SLC16A10: variants seen among roughly 807,000 people sequenced by gnomAD.
SLC16A10 encodes the protein monocarboxylate transporter 10.
A neutral mutation model predicts 40.0 loss-of-function variants in SLC16A10; 27 were observed. That is an observed-to-expected ratio of 0.67 (90% CI 0.50 to 0.93). The LOEUF (loss-of-function observed/expected upper bound fraction) is 0.93, where lower values mean the gene tolerates loss of function less well. Among genes scored for constraint, SLC16A10 ranks in the 40% least tolerant of loss-of-function variants. The pLI, the probability that SLC16A10 is intolerant of heterozygous loss-of-function variation, is 0.00. For missense variants in SLC16A10, 529 were observed against 658.2 expected, an observed-to-expected ratio of 0.80 and a Z score of 2.15; for synonymous variants, 213 against 249.8, an observed-to-expected ratio of 0.85 and a Z score of 1.39.
chr6:111,207,629 A>C (rs1773275969), intron 4 of SLC16A10, among the ~76,000 whole-genome samples: 1 of 152,208 alleles, frequency 6.6e-6, no homozygotes, highest in African/African-American at 2.4e-5. Flanking sequence ...GTGCCATAGC[A>C]ACACAGGCAC....
At chr6:111,182,944 C>T (rs1422977861) in intron 3 of SLC16A10, among the ~76,000 whole-genome samples, 2 of 152,212 alleles carry the variant, frequency 1.3e-5, no homozygotes, top group African/African-American at 4.8e-5. Context: ...CCACGTACCC[C>T]TAGCCTGGAT....
At chr6:111,093,604 T>A (rs1206130509) in intron 1 of SLC16A10, among the ~76,000 whole-genome samples, 2 of 152,240 alleles carry the variant, frequency 1.3e-5, no homozygotes. Flanking sequence ...TGTTTTGCCT[T>A]TACGCTAAAG....
In SLC16A10 at chr6:111,120,820, G is replaced by T. The variant is rs551038358; in HGVS notation, c.343+32725G>T. 9.2e-5 allele frequency among the ~76,000 whole-genome samples: 14 copies of T among 152,202 alleles called. No homozygotes were observed. The East Asian group carries it at 2.5e-3, about 27-fold the overall frequency. On this transcript the variant is annotated intron_variant, in intron 1 of 5. Transcript: ENST00000368851. ...AATCATTGTGGAGTGCTTAGTGTGT[G>T]TTTGTTTTTTAAGAATTGACTTGGA... is the stretch of plus-strand genomic sequence containing the variant.
intron 1 of SLC16A10, among the ~76,000 whole-genome samples, chr6:111,129,165 C>G (rs1771737696): frequency 6.6e-6 from 1 of 152,136 alleles, no homozygotes; most frequent in Non-Finnish European, 1.5e-5. Flanking sequence ...TGATGCCTAC[C>G]AGGCAGCCCA....
At chr6:111,130,517 T>C (rs930462811) in intron 1 of SLC16A10, among the ~76,000 whole-genome samples, 1 of 152,222 alleles carries the variant, frequency 6.6e-6, no homozygotes, top group Admixed American at 6.5e-5. Flanking sequence ...TGTTGTACTC[T>C]CAGCACTAGA....
chr6:111,121,065 T>C (rs1164037861), intron 1 of SLC16A10, among the ~76,000 whole-genome samples: 1 of 152,204 alleles, frequency 6.6e-6, no homozygotes, highest in East Asian at 1.9e-4. Flanking sequence ...TCAAAGTATA[T>C]TTGGAATGTT....
chr6:111,100,765 G>A (rs2114439444), intron 1 of SLC16A10, among the ~76,000 whole-genome samples: 1 of 151,924 alleles, frequency 6.6e-6, no homozygotes, highest in African/African-American at 2.4e-5. Context: ...CTCTCCTTAA[G>A]CGGTTTTATC....
chr6:111,090,960 A>T, intron 1 of SLC16A10, among the ~76,000 whole-genome samples: 1 of 152,092 alleles, frequency 6.6e-6, no homozygotes. Flanking sequence ...ATATACAGGG[A>T]GGTGGTGGTG....
intron 3 of SLC16A10, among the ~76,000 whole-genome samples, chr6:111,199,038 G>T (rs1471468248): frequency 6.6e-6 from 1 of 152,190 alleles, no homozygotes; most frequent in African/African-American, 2.4e-5. Flanking sequence ...GAGCCCTCAG[G>T]AGCTGTCTTG....
chr6:111,212,792 C>G, intron 4 of SLC16A10, among the ~76,000 whole-genome samples: 1 of 78,664 alleles, frequency 1.3e-5, no homozygotes, highest in South Asian at 5.3e-4. Flanking sequence ...GACTTTGTCT[C>G]AAAAAAATAA....
intron 4 of SLC16A10, among the ~76,000 whole-genome samples, chr6:111,209,637 G>T (rs1405145279): frequency 6.6e-6 from 1 of 152,132 alleles, no homozygotes; most frequent in African/African-American, 2.4e-5. Flanking sequence ...GAAGCCTGTG[G>T]GTTTGGCATT....
At chr6:111,151,855 T>C (rs1472887668) in intron 1 of SLC16A10, among the ~76,000 whole-genome samples, 1 of 152,194 alleles carries the variant, frequency 6.6e-6, no homozygotes, top group Non-Finnish European at 1.5e-5. Flanking sequence ...ACTTTGGGTG[T>C]TACCCTGAGG....
In SLC16A10 at chr6:111,224,874, TGA is replaced by T. The variant is rs1770962204; in HGVS notation, c.*2643_*2644del. On this transcript the variant is annotated 3_prime_UTR_variant, in exon 6 of 6. Coordinates refer to ENST00000368851, the MANE Select transcript of SLC16A10 (RefSeq NM_018593.5). ...TTTGTGTTCAATCCAGACACTTTTC[TGA>T]GAGTCTGAAAAGAATACAGAGTCAG... The T allele has an allele frequency of 1.3e-5, 2 of 152,242 alleles. No individual in the cohort carries two copies. The highest frequency in any genetic ancestry group is 4.8e-5 in the African/African-American group (2 of 41,468). The allele number at this position is 152,242 out of a possible 1,614,324, so 9.4% of individuals were successfully genotyped here. A position where few individuals can be genotyped will look rare whatever the true frequency, so the allele number is the denominator to read the frequency against.
At chr6:111,117,449 T>A (rs778131660) in intron 1 of SLC16A10, among the ~76,000 whole-genome samples, 1 of 152,272 alleles carries the variant, frequency 6.6e-6, no homozygotes, top group East Asian at 1.9e-4. Flanking sequence ...TGGACCAACT[T>A]TACTTTAGTC....
rs191476074 is a variant in SLC16A10, at chr6:111,185,014, A to G, written c.942+7349A>G. ...GCTAAGGGCGCTGAGCCACGCAAAT[A>G]GGAACAGCATACAAGCCTTCATCTC... is the stretch of plus-strand genomic sequence containing the variant. On this transcript the variant is annotated intron_variant, in intron 3 of 5. Coordinates refer to ENST00000368851, the MANE Select transcript of SLC16A10 (RefSeq NM_018593.5). 4.9e-4 allele frequency among the ~76,000 whole-genome samples: 75 copies of G among 152,368 alleles called. 3 individuals are homozygous for G. The East Asian group carries it at 0.014, about 27-fold the overall frequency.
intron 3 of SLC16A10, among the ~76,000 whole-genome samples, chr6:111,197,445 A>G (rs1773096853): frequency 1.3e-5 from 2 of 152,244 alleles, no homozygotes; most frequent in Admixed American, 1.3e-4. Flanking sequence ...GGTAGAACCA[A>G]TTTTGTGAAT....
chr6:111,088,178 C>T (rs947658227), intron 1 of SLC16A10, 83 bp downstream of exon 1: 1 of 1,394,754 alleles, frequency 7.2e-7, no homozygotes, highest in Admixed American at 2.1e-5. Flanking sequence ...CTGTGTCTGC[C>T]TCCGAGTGTG....
At chr6:111,178,549 T>G in intron 3 of SLC16A10, 4 of 365,466 alleles carry the variant, frequency 1.1e-5, no homozygotes, top group South Asian at 2.1e-5. Context: ...CATCCCTACC[T>G]GGGGAAGGAA....
intron 3 of SLC16A10, chr6:111,193,376 C>T (rs1773028075): frequency 1.1e-6 from 1 of 928,396 alleles, no homozygotes; most frequent in South Asian, 5.0e-5. Context: ...CAGTATTCAC[C>T]AGCATTCTCC....
Sources: gnomAD v4.1 joint callset for allele counts (sites outside exome capture counted in the v4.1 genomes callset) on GRCh38, gnomAD v4.1.1 for gene constraint, MANE v1.5 for transcripts, NCBI Gene and HGNC (gene_info 2026-07-23, HGNC 2026-07-21) for gene names.